The following UNC5B variants were observed in gnomAD, a reference collection of about 807,000 sequenced individuals.
UNC5B encodes the protein netrin receptor UNC5B.
Under a neutral mutation model 103.7 loss-of-function variants are expected in UNC5B, and 56 were observed. That is an observed-to-expected ratio of 0.54 (90% CI 0.44 to 0.67). The LOEUF (loss-of-function observed/expected upper bound fraction) is 0.67. UNC5B is among the 30% of genes least tolerant of loss of function. UNC5B has a pLI of 0.00. For missense variants in UNC5B, 1,194 were observed against 1,284.5 expected, an observed-to-expected ratio of 0.93 and a Z score of 1.08; for synonymous variants, 577 against 542.0, an observed-to-expected ratio of 1.06 and a Z score of -0.90.
intron 1 of UNC5B, among the ~76,000 whole-genome samples, chr10:71,225,033 A>T (rs1402597747): frequency 6.6e-6 from 1 of 152,152 alleles, no homozygotes; most frequent in Non-Finnish European, 1.5e-5. Flanking sequence ...CTGCCTTGTT[A>T]TACACATTTG....
At position 71,213,120 on chromosome 10, in the gene UNC5B, T is replaced by A. The variant is rs894733847; in HGVS notation, c.79+56T>A. The A allele has an allele frequency of 3.6e-5, 44 of 1,212,420 alleles. No individual in the cohort carries two copies. Among genetic ancestry groups the A allele is most frequent in the Non-Finnish European group, 4.3e-5 (41 of 960,644 alleles). The allele number at this position is 1,212,420 out of a possible 1,614,324, so 75.1% of individuals were successfully genotyped here. ...GCTAGGGGACCCTTGCGCCTCACTC[T>A]GTCCTGAAGTTGAGGTGGTCTTTCG... On this transcript the variant is annotated intron_variant, in intron 1 of 16. Transcript: ENST00000335350. The surrounding 1 kb of genome is among the most constrained non-coding windows in gnomAD (Gnocchi z 4.1).
chr10:71,226,554 A>G (rs150183866), intron 1 of UNC5B, among the ~76,000 whole-genome samples: 156 of 152,362 alleles, frequency 1.0e-3, no homozygotes, highest in African/African-American at 3.5e-3. Context: ...AGTGGGAATC[A>G]TGAAGCCTGC....
Position 71,291,197 on chromosome 10 carries a change from A to C in UNC5B, c.1294+88A>C, listed in dbSNP as rs1845244973. ...TACCCAGACCAGAGCCAGGCTCCTG[A>C]CTCCCTCCCAGGGTTTTTCCAGAGT... On this transcript the variant is annotated intron_variant, in intron 9 of 16. Transcript: ENST00000335350. 1.3e-5 allele frequency: 19 copies of C among 1,473,822 alleles called. 1 individual carries two copies. The South Asian group carries it at 2.5e-4, about 19-fold the overall frequency. The allele number at this position is 1,473,822 out of a possible 1,614,324, so 91.3% of individuals were successfully genotyped here.
chr10:71,271,408 A>G (rs1315108018), intron 1 of UNC5B, among the ~76,000 whole-genome samples: 4 of 152,184 alleles, frequency 2.6e-5, no homozygotes, highest in Admixed American at 1.3e-4. Flanking sequence ...CTTGTCTGGG[A>G]GAAGAAGGGG....
intron 1 of UNC5B, among the ~76,000 whole-genome samples, chr10:71,266,161 C>T (rs1031185764): frequency 6.6e-6 from 1 of 152,144 alleles, no homozygotes. Context: ...TGACATGTAC[C>T]AGGCTCATTT....
At chr10:71,288,546 C>T (rs1449039778) in intron 6 of UNC5B, 22 bp from the exon 7 acceptor site, 2 of 1,606,800 alleles carry the variant, frequency 1.2e-6, no homozygotes, top group Non-Finnish European at 1.7e-6. Flanking sequence ...TGCACATGCT[C>T]CTGTATGCCA....
At chr10:71,295,235 G>T (rs747937498) in intron 13 of UNC5B, among the ~76,000 whole-genome samples, 21 of 152,234 alleles carry the variant, frequency 1.4e-4, no homozygotes, top group Non-Finnish European at 2.8e-4. Flanking sequence ...GGATCTCTTG[G>T]TCCTGGGGCG....
At position 71,300,952 on chromosome 10, in the gene UNC5B, C is replaced by CTCG. The variant is rs1209890655; in HGVS notation, c.*1675_*1676insTCG. 6.6e-6 allele frequency: 1 copy of CTCG among 152,518 alleles called. No individual in the cohort carries two copies. The highest frequency in any genetic ancestry group is 1.5e-5 in the Non-Finnish European group (1 of 68,304). The allele number at this position is 152,518 out of a possible 1,614,324, so 9.4% of individuals were successfully genotyped here. On this transcript the variant is annotated 3_prime_UTR_variant, in exon 17 of 17. Coordinates refer to ENST00000335350, the MANE Select transcript of UNC5B (RefSeq NM_170744.5). The stretch of plus-strand genomic sequence containing the variant: ...GGGGACAGCACATACCACCCCCACC[C>CTCG]AACCTGTTCGAGGGGCCCTGCATGG...
chr10:71,259,385 C>CA (rs57245329), intron 1 of UNC5B, among the ~76,000 whole-genome samples: 208 of 90,056 alleles, frequency 2.3e-3, no homozygotes, highest in South Asian at 5.1e-3. Flanking sequence ...GACTCCATCT[C>CA]AAAAAAAAAA....
chr10:71,266,853 T>C (rs1360564820), intron 1 of UNC5B, among the ~76,000 whole-genome samples: 2 of 152,158 alleles, frequency 1.3e-5, no homozygotes. Context: ...AGTTCACACA[T>C]TTTAAATTGT....
intron 1 of UNC5B, among the ~76,000 whole-genome samples, chr10:71,268,100 G>A (rs1474054351): frequency 6.6e-6 from 1 of 152,236 alleles, no homozygotes; most frequent in Non-Finnish European, 1.5e-5. Flanking sequence ...CACCCCTGGG[G>A]ACTGAGCAGG....
intron 1 of UNC5B, among the ~76,000 whole-genome samples, chr10:71,220,574 T>C (rs1242613586): frequency 1.3e-5 from 2 of 152,234 alleles, no homozygotes; most frequent in African/African-American, 2.4e-5. Flanking sequence ...CTGACTAACT[T>C]GGTGACGTTG....
rs1477226391 is a variant in UNC5B at position 71,291,100 on chromosome 10, G to A, written c.1285G>A (p.Ala429Thr). Reference sequence around the variant, plus strand: ...TTTCCACCCCGTCAACTTTAAGACGGCAAGGCCCAGTAAGAACCCGAGGAT... The same window carrying A: ...TTTCCACCCCGTCAACTTTAAGACGACAAGGCCCAGTAAGAACCCGAGGAT... Reference protein sequence around the residue: ...GGFHPVNFKTARPSNPQLLHP... With the variant: ...GGFHPVNFKTTRPSNPQLLHP... Residue 429 changes from alanine (A) to threonine (T), a missense_variant, in exon 9 of 17, where the codon GCA becomes ACA. Transcript: ENST00000335350. 1 of 1,613,300 alleles carries A rather than the reference G, an allele frequency of 6.2e-7. No homozygotes were observed. The highest frequency in any genetic ancestry group is 1.7e-5 in the Admixed American group (1 of 59,962).
chr10:71,235,491 G>A (rs899646263), intron 1 of UNC5B, among the ~76,000 whole-genome samples: 1 of 152,236 alleles, frequency 6.6e-6, no homozygotes, highest in Non-Finnish European at 1.5e-5. Context: ...AGAGGGTGGG[G>A]TTCCTTCCGT....
intron 1 of UNC5B, among the ~76,000 whole-genome samples, chr10:71,235,059 C>T (rs1227197579): frequency 1.3e-5 from 2 of 152,178 alleles, no homozygotes; most frequent in African/African-American, 2.4e-5. Context: ...AATGCCGGGC[C>T]CCTATTGCAG....
chr10:71,284,684 C>T (rs745445449), intron 2 of UNC5B, 36 bp from the exon 3 acceptor site: 5 of 1,610,186 alleles, frequency 3.1e-6, no homozygotes, highest in South Asian at 1.1e-5. Flanking sequence ...CCTTGCTTTG[C>T]CCCTGCCCCC....
intron 1 of UNC5B, among the ~76,000 whole-genome samples, chr10:71,238,122 A>G (rs1843813759): frequency 6.6e-6 from 1 of 152,200 alleles, no homozygotes; most frequent in Non-Finnish European, 1.5e-5. Context: ...GAGTGTGATC[A>G]TTAAAAACTA....
At chr10:71,264,421 C>A (rs904531404) in intron 1 of UNC5B, among the ~76,000 whole-genome samples, 2 of 152,280 alleles carry the variant, frequency 1.3e-5, no homozygotes, top group Admixed American at 1.3e-4. Context: ...AATGGAGGCC[C>A]AGAGAGGCGA....
chr10:71,288,549 G>A lies in UNC5B; in HGVS notation c.902-19G>A, dbSNP rs773771631. ...CATGTCTCTGCGTGCACATGCTCCTGTATGCCATGCTCTTACAGTCGATGG... is the reference window on the plus strand; with the variant it reads ...CATGTCTCTGCGTGCACATGCTCCTATATGCCATGCTCTTACAGTCGATGG... On this transcript the variant is annotated intron_variant, in intron 6 of 16. Coordinates refer to ENST00000335350, the MANE Select transcript of UNC5B (RefSeq NM_170744.5). 12 of 1,607,822 alleles carry A rather than the reference G, an allele frequency of 7.5e-6. No homozygotes were observed. The highest frequency in any genetic ancestry group is 4.4e-5 in the South Asian group (4 of 90,702).
Sources: gnomAD v4.1 joint callset for allele counts (sites outside exome capture counted in the v4.1 genomes callset) on GRCh38, gnomAD v4.1.1 for gene constraint, Gnocchi (gnomAD v3.1) non-coding constraint, MANE v1.5 for transcripts, NCBI Gene and HGNC (gene_info 2026-07-23, HGNC 2026-07-21) for gene names.